MTMR14: variants seen among roughly 807,000 people sequenced by gnomAD.
MTMR14 encodes phosphatidylinositol-3,5-bisphosphate 3-phosphatase MTMR14.
In MTMR14, 48 loss-of-function variants were observed where a neutral mutation model predicts 86.3. The ratio of observed to expected loss-of-function variants is 0.56; its 90% CI spans 0.44 to 0.71. The LOEUF (loss-of-function observed/expected upper bound fraction) is 0.71. MTMR14 is among the 30% of genes least tolerant of loss of function. The pLI, the probability that MTMR14 is intolerant of heterozygous loss-of-function variation, is 0.00. For missense variants in MTMR14, 780 were observed against 834.6 expected (o/e 0.93, Z 0.81); for synonymous variants, 366 against 326.1 (o/e 1.12, Z -1.32).
intron 3 of MTMR14, among the ~76,000 whole-genome samples, chr3:9,665,006 G>A (rs1391556458): frequency 6.6e-6 from 1 of 152,092 alleles, no homozygotes; most frequent in Non-Finnish European, 1.5e-5. Flanking sequence ...AATATCGGCC[G>A]GGCACGATGG....
intron 7 of MTMR14, among the ~76,000 whole-genome samples, chr3:9,673,603 C>T (rs2048691387): frequency 6.6e-6 from 1 of 152,126 alleles, no homozygotes; most frequent in Admixed American, 6.6e-5. Flanking sequence ...ACCTTATCTC[C>T]TCAATATTGG....
chr3:9,662,334 A>G lies in MTMR14; in HGVS notation c.376A>G (p.Arg126Gly). ...CCACCGCAGCAAGATGGCCCGGTGC[A>G]GAGGACGGTTTGTCTGCCCAGTAAT... ...LIHRSKMARC[R>G]GRFVCPVILF... Residue 126 changes from arginine (R) to glycine (G), a missense_variant, in exon 3 of 19, where the codon AGA becomes GGA. Coordinates refer to ENST00000296003, the MANE Select transcript of MTMR14 (RefSeq NM_001077525.3). The G allele has an allele frequency of 1.2e-6, 2 of 1,613,824 alleles. No homozygotes were observed. The highest frequency in any genetic ancestry group is 1.7e-6 in the Non-Finnish European group (2 of 1,179,992).
Position 9,702,204 on chromosome 3 carries a change from C to T in MTMR14, c.*231C>T, listed in dbSNP as rs923362545. 2 of 590,754 alleles carry T rather than the reference C, an allele frequency of 3.4e-6. No homozygotes were observed. The highest frequency in any genetic ancestry group is 2.7e-5 in the Admixed American group (1 of 36,834). The allele number at this position is 590,754 out of a possible 1,614,324, so 36.6% of individuals were successfully genotyped here. A position where few individuals can be genotyped will look rare whatever the true frequency, so the allele number is the denominator to read the frequency against. ...CTTCTTGTCACTGTCTCCCACCCAC[C>T]CCATCTTTGCTGGGATTCCCATCAA... On this transcript the variant is annotated 3_prime_UTR_variant, in exon 19 of 19. Transcript: ENST00000296003.
chr3:9,669,560 G>A (rs2125118002), intron 5 of MTMR14, 68 bp downstream of exon 5: 2 of 1,502,654 alleles, frequency 1.3e-6, no homozygotes, highest in African/African-American at 1.4e-5. Flanking sequence ...AGATGGCCAT[G>A]TTCATATTGT....
At chr3:9,683,673 C>T (rs189078966) in intron 10 of MTMR14, 1 of 194,452 alleles carries the variant, frequency 5.1e-6, no homozygotes, top group Non-Finnish European at 1.1e-5. Context: ...ATTGGATGGG[C>T]CTGGCTTGCT....
chr3:9,702,079 C>A lies in MTMR14; in HGVS notation c.*106C>A. The A allele has an allele frequency of 7.1e-7, 1 of 1,416,088 alleles. No individual in the cohort carries two copies. Among genetic ancestry groups the A allele is most frequent in the Non-Finnish European group, 9.8e-7 (1 of 1,015,266 alleles). 87.7% of individuals were successfully genotyped at this position (1,416,088 alleles called of 1,614,324 possible). On this transcript the variant is annotated 3_prime_UTR_variant, in exon 19 of 19. Coordinates refer to ENST00000296003, the MANE Select transcript of MTMR14 (RefSeq NM_001077525.3). ...GGTACTTCCAGGTCAGGGGAAATTT[C>A]AGTCCCCCATCTCCATCATGAACAT...
chr3:9,701,799 C>A lies in MTMR14; in HGVS notation c.1779C>A (p.Ala593=), dbSNP rs2076467688. The change falls in exon 19 of 19, where the codon GCC becomes GCA. Residue 593 remains alanine (A), a synonymous_variant. Coordinates refer to ENST00000296003, the MANE Select transcript of MTMR14 (RefSeq NM_001077525.3). This position sits in a 1 kb window ranked among gnomAD's most constrained non-coding sequence, Gnocchi z 4.2. Reference sequence around the variant, plus strand: ...CTTGACCTCCCCATAGGCTTGCAGCCCTGAGTGATCGAGAGACTCGGCTGC... The same window carrying A: ...CTTGACCTCCCCATAGGCTTGCAGCACTGAGTGATCGAGAGACTCGGCTGC... ...DELPNSCLLA[A]LSDRETRLQE... 6.2e-7 allele frequency: 1 copy of A among 1,613,700 alleles called. No homozygotes were observed. The highest frequency in any genetic ancestry group is 1.3e-5 in the African/African-American group (1 of 74,942).
At chr3:9,698,960 G>A (rs1024193367) in intron 18 of MTMR14, among the ~76,000 whole-genome samples, 12 of 152,098 alleles carry the variant, frequency 7.9e-5, no homozygotes, top group Non-Finnish European at 1.6e-4. Flanking sequence ...CCTAAGGTTG[G>A]GAGTTCGAGA....
At position 9,688,934 on chromosome 3, in the gene MTMR14, C is replaced by T; in HGVS notation, c.1295-10C>T. 1 of 1,613,018 alleles carries T rather than the reference C, an allele frequency of 6.2e-7. No individual in the cohort carries two copies. Among genetic ancestry groups the T allele is most frequent in the Non-Finnish European group, 8.5e-7 (1 of 1,179,216 alleles). ...GTAACACGCTGACTGATGGCACTGG[C>T]TTCTTTTAGGACGAAAGGACCGTGG... On this transcript the variant is annotated splice_polypyrimidine_tract_variant and intron_variant, in intron 15 of 18. Transcript: ENST00000296003.
Position 9,668,877 on chromosome 3 carries a change from C to T in MTMR14, c.493+83C>T, listed in dbSNP as rs1216077106. ...TACCCGGGCCGGGCGCCATGCCTCA[C>T]GCCTGTAATCTCAACACTTTGGGAG... On this transcript the variant is annotated intron_variant, in intron 4 of 18. Coordinates refer to ENST00000296003, the MANE Select transcript of MTMR14 (RefSeq NM_001077525.3). 3.2e-5 allele frequency: 44 copies of T among 1,394,346 alleles called. 1 individual carries two copies. The highest frequency in any genetic ancestry group is 2.0e-4 in the Admixed American group (12 of 59,594). 86.4% of individuals were successfully genotyped at this position (1,394,346 alleles called of 1,614,324 possible). A position where few individuals can be genotyped will look rare whatever the true frequency, so the allele number is the denominator to read the frequency against.
intron 3 of MTMR14, among the ~76,000 whole-genome samples, chr3:9,662,803 C>T (rs1253398984): frequency 6.6e-6 from 1 of 152,184 alleles, no homozygotes; most frequent in Admixed American, 6.5e-5. Flanking sequence ...CCAGACACTG[C>T]TTCAGGCCTT....
rs2048642742 is a variant in MTMR14 at position 9,672,777 on chromosome 3, G to T, written c.751+19G>T. ...TATCCAGGTAGGGGGCTCTCTTCTA[G>T]TGGCAGGCATCCTAGGACTGGGGAC... On this transcript the variant is annotated intron_variant, in intron 7 of 18. Transcript: ENST00000296003. The T allele has an allele frequency of 6.2e-7, 1 of 1,612,802 alleles. No homozygotes were observed. Among genetic ancestry groups the T allele is most frequent in the East Asian group, 2.2e-5 (1 of 44,888 alleles).
At chr3:9,654,641 CA>C (rs2047490786) in intron 2 of MTMR14, among the ~76,000 whole-genome samples, 1 of 152,242 alleles carries the variant, frequency 6.6e-6, no homozygotes, top group African/African-American at 2.4e-5. Context: ...GAGCCGTTGT[CA>C]GCACTATCTG....
At chr3:9,693,691 G>C (rs548872772) in intron 17 of MTMR14, among the ~76,000 whole-genome samples, 1 of 152,318 alleles carries the variant, frequency 6.6e-6, no homozygotes, top group South Asian at 2.1e-4. Context: ...AGAGGCAGGA[G>C]ATAATCTGCA....
chr3:9,686,702 T>C (rs1037503286), intron 13 of MTMR14, among the ~76,000 whole-genome samples: 3 of 152,180 alleles, frequency 2.0e-5, no homozygotes, highest in Non-Finnish European at 4.4e-5. Context: ...GGCAGCCCTC[T>C]CCTTGTGGGG....
At chr3:9,687,251 A>G (rs963317411) in intron 13 of MTMR14, among the ~76,000 whole-genome samples, 7 of 152,016 alleles carry the variant, frequency 4.6e-5, no homozygotes, top group African/African-American at 1.7e-4. Context: ...GAATTTAATG[A>G]TGGTTTGAAA....
intron 7 of MTMR14, among the ~76,000 whole-genome samples, chr3:9,675,833 G>A (rs532345407): frequency 1.3e-5 from 2 of 152,270 alleles, no homozygotes; most frequent in South Asian, 2.1e-4. Context: ...GAGCTCTGAG[G>A]GATAATTGCT....
In MTMR14 at chr3:9,697,751, G is replaced by T. The variant is rs1250823440; in HGVS notation, c.1654G>T (p.Asp552Tyr). 6.2e-7 allele frequency: 1 copy of T among 1,613,992 alleles called. No individual in the cohort carries two copies. Among genetic ancestry groups the T allele is most frequent in the East Asian group, 2.2e-5 (1 of 44,876 alleles). The change falls in exon 18 of 19, where the codon GAC (aspartate) becomes TAC (tyrosine). Residue 552 changes from aspartate (D) to tyrosine (Y), a missense_variant. Asp to Tyr is a radical substitution (Grantham distance 160). Transcript: ENST00000296003. Reference sequence around the variant, plus strand: ...CCTGCCCGGATCCTCTCTCTCCACAGACTATGGCAGCTGGCAGATGGTAAC... The same window carrying T: ...CCTGCCCGGATCCTCTCTCTCCACATACTATGGCAGCTGGCAGATGGTAAC... Reference protein sequence around the residue: ...HPLPGSSLSTDYGSWQMVTGC... With the variant: ...HPLPGSSLSTYYGSWQMVTGC...
chr3:9,681,767 T>C lies in MTMR14; in HGVS notation c.898-1411T>C, dbSNP rs1269559124. Among the ~76,000 whole-genome samples the C allele has an allele frequency of 2.0e-5, 3 of 152,210 alleles. No homozygotes were observed. The East Asian group carries it at 5.8e-4, about 29-fold the overall frequency. ...ACTTCTGCTTCTTACTCTGGTGTTA[T>C]AGGAAGAGTACCTACAGTGATTAAG... On this transcript the variant is annotated intron_variant, in intron 9 of 18. Coordinates refer to ENST00000296003, the MANE Select transcript of MTMR14 (RefSeq NM_001077525.3).
Sources: gnomAD v4.1 joint callset for allele counts (sites outside exome capture counted in the v4.1 genomes callset) on GRCh38, gnomAD v4.1.1 for gene constraint, Gnocchi (gnomAD v3.1) non-coding constraint, MANE v1.5 for transcripts, NCBI Gene and HGNC (gene_info 2026-07-23, HGNC 2026-07-21) for gene names.